The following COL4A3 variants were observed in gnomAD, a reference collection of about 807,000 sequenced individuals.
COL4A3 encodes collagen type IV alpha 3 chain.
COL4A3 carries 135 observed loss-of-function variants against 217.4 expected under a neutral mutation model. That is an observed-to-expected ratio of 0.62 (90% CI 0.54 to 0.72). COL4A3 has a LOEUF of 0.72. Among genes scored for constraint, COL4A3 ranks in the 30% least tolerant of loss-of-function variants. The pLI is 0.00. For missense variants in COL4A3, 1,868 were observed against 2,119.9 expected, an observed-to-expected ratio of 0.88 and a Z score of 2.33; for synonymous variants, 690 against 736.3, an observed-to-expected ratio of 0.94 and a Z score of 1.02.
At chr2:227,269,606 T>C (rs1417760756) in intron 23 of COL4A3, among the ~76,000 whole-genome samples, 1 of 152,180 alleles carries the variant, frequency 6.6e-6, no homozygotes, top group East Asian at 1.9e-4. Flanking sequence ...GTCTCTTCTT[T>C]CTGCATAATT....
chr2:227,244,192 A>T (rs974576873), intron 3 of COL4A3, 128 bp from the exon 4 acceptor site: 14 of 754,428 alleles, frequency 1.9e-5, no homozygotes, highest in Non-Finnish European at 3.1e-5. Context: ...ATTGAATCTT[A>T]TTAACAATGA....
intron 1 of COL4A3, among the ~76,000 whole-genome samples, chr2:227,169,038 G>T (rs373016625): frequency 1.6e-4 from 12 of 74,578 alleles, no homozygotes; most frequent in Non-Finnish European, 2.4e-4. Context: ...TATCCCTCCC[G>T]CCTCCCCCCA....
intron 1 of COL4A3, among the ~76,000 whole-genome samples, chr2:227,203,739 A>G (rs144841469): frequency 1.2e-5 from 1 of 81,934 alleles, no homozygotes; most frequent in Admixed American, 1.2e-4. Context: ...ATATATGTGT[A>G]TATATACATA....
chr2:227,191,086 A>G lies in COL4A3; in HGVS notation c.87+26273A>G, dbSNP rs532037408. Among the ~76,000 whole-genome samples, 3 of 152,290 alleles carry G rather than the reference A, an allele frequency of 2.0e-5. No homozygotes were observed. Among genetic ancestry groups the G allele is most frequent in the African/African-American group, 4.8e-5 (2 of 41,562 alleles). On this transcript the variant is annotated intron_variant, in intron 1 of 51. Coordinates refer to ENST00000396578, the MANE Select transcript of COL4A3 (RefSeq NM_000091.5). The surrounding 1 kb of genome is among the most constrained non-coding windows in gnomAD (Gnocchi z 6.8). ...TGAAATTTTATGTCTTTTTTCTCTT[A>G]AAAATAGACTACATAAATAATACGT...
intron 1 of COL4A3, among the ~76,000 whole-genome samples, chr2:227,175,467 T>C (rs540568149): frequency 6.6e-6 from 1 of 152,046 alleles, no homozygotes; most frequent in African/African-American, 2.4e-5. Context: ...CAAGACTCCA[T>C]CTCAAAAAAT....
Position 227,276,366 on chromosome 2 carries a change from G to C in COL4A3, c.1928-19G>C, listed in dbSNP as rs777677001. Reference sequence around the variant, plus strand: ...GCTTCAATATATACCCCAATCTTATGACCACAAATTTCCTTAAGGCCCTAG... The same window carrying C: ...GCTTCAATATATACCCCAATCTTATCACCACAAATTTCCTTAAGGCCCTAG... On this transcript the variant is annotated intron_variant, in intron 26 of 51. Transcript: ENST00000396578. 1.9e-6 allele frequency: 3 copies of C among 1,591,778 alleles called. No individual in the cohort carries two copies. The South Asian group carries it at 3.3e-5, about 18-fold the overall frequency.
intron 41 of COL4A3, among the ~76,000 whole-genome samples, chr2:227,296,969 A>C (rs2073054056): frequency 6.6e-6 from 1 of 152,176 alleles, no homozygotes; most frequent in Non-Finnish European, 1.5e-5. Flanking sequence ...AATTCATACA[A>C]TATTTTTCAT....
intron 1 of COL4A3, among the ~76,000 whole-genome samples, chr2:227,185,834 G>A (rs1317886998): frequency 1.3e-5 from 2 of 152,198 alleles, no homozygotes; most frequent in Non-Finnish European, 2.9e-5. Flanking sequence ...GGTGTGGCCT[G>A]GAAACCTGCA....
At chr2:227,193,080 G>C (rs1022870857) in intron 1 of COL4A3, among the ~76,000 whole-genome samples, 2 of 152,074 alleles carry the variant, frequency 1.3e-5, no homozygotes, top group Non-Finnish European at 2.9e-5. Context: ...CTAGTTTAGA[G>C]AAACTGAATA....
intron 1 of COL4A3, among the ~76,000 whole-genome samples, chr2:227,182,061 C>T (rs12470793): frequency 0.17 from 25,890 of 151,992 alleles, 2,382 homozygotes; most frequent in Admixed American, 0.25. Flanking sequence ...TAAAAAATTT[C>T]CCCCAAATAG....
In COL4A3 at chr2:227,305,077, G is replaced by C. The variant is rs777216105; in HGVS notation, c.4246G>C (p.Glu1416Gln). The stretch of plus-strand genomic sequence containing the variant: ...AAAAGGCAACAAAGGTTCTAAAGGA[G>C]AGCCAGGTAAACCCCCAGCTTGTTT... The part of the protein sequence containing the change: ...GEKGNKGSKG[E>Q]PGPAGSDGLP... The change falls in exon 47 of 52, where the codon GAG (glutamate) becomes CAG (glutamine). Residue 1416 changes from glutamate to glutamine, a missense_variant. This residue lies in a region of COL4A3 where 1,503 missense variants were observed against 1,786.1 expected (regional missense o/e 0.84). Coordinates refer to ENST00000396578, the MANE Select transcript of COL4A3 (RefSeq NM_000091.5). 11 of 1,613,440 alleles carry C rather than the reference G, an allele frequency of 6.8e-6. No homozygotes were observed. The highest frequency in any genetic ancestry group is 3.3e-5 in the Admixed American group (2 of 59,940).
intron 43 of COL4A3, among the ~76,000 whole-genome samples, chr2:227,299,459 G>A (rs931149644): frequency 1.3e-5 from 2 of 152,110 alleles, no homozygotes; most frequent in African/African-American, 4.8e-5. Context: ...AGAATGGCAT[G>A]GGGGAAACCA....
chr2:227,251,121 T>C lies in COL4A3; in HGVS notation c.547-19T>C. The stretch of plus-strand genomic sequence containing the variant: ...AGAAGTAAATTTAAACTTACTCTTA[T>C]TCTTCTCTCAATTTCAAGGGTTTGC... On this transcript the variant is annotated intron_variant, in intron 9 of 51. Coordinates refer to ENST00000396578, the MANE Select transcript of COL4A3 (RefSeq NM_000091.5). The C allele has an allele frequency of 6.3e-7, 1 of 1,591,258 alleles. No homozygotes were observed. Among genetic ancestry groups the C allele is most frequent in the Non-Finnish European group, 8.6e-7 (1 of 1,159,284 alleles).
At chr2:227,267,767 T>G (rs2070993626) in intron 23 of COL4A3, among the ~76,000 whole-genome samples, 1 of 145,190 alleles carries the variant, frequency 6.9e-6, no homozygotes, top group Admixed American at 7.2e-5. Flanking sequence ...AAAAAAATAT[T>G]AGCCACTAAG....
In COL4A3 at chr2:227,253,405, C is replaced by T. The variant is rs376709990; in HGVS notation, c.687+68C>T. 5.4e-5 allele frequency: 84 copies of T among 1,542,622 alleles called. No homozygotes were observed. Among genetic ancestry groups the T allele is most frequent in the African/African-American group, 3.7e-4 (27 of 73,530 alleles). On this transcript the variant is annotated intron_variant, in intron 12 of 51. Transcript: ENST00000396578. The surrounding 1 kb of genome is among the most constrained non-coding windows in gnomAD (Gnocchi z 4.4). Reference sequence around the variant, plus strand: ...TGTCCCAGAGCATATCAGCCTATACCGTTTACTTACGGGCCAAGCTGAAAT... The same window carrying T: ...TGTCCCAGAGCATATCAGCCTATACTGTTTACTTACGGGCCAAGCTGAAAT...
At chr2:227,168,883 CTTTTTTTT>C (rs1206194303) in intron 1 of COL4A3, among the ~76,000 whole-genome samples, 8 of 150,696 alleles carry the variant, frequency 5.3e-5, no homozygotes, top group African/African-American at 1.7e-4. Flanking sequence ...TCTTTTTTTT[CTTTTTTTT>C]ATTTTATTAT....
At chr2:227,296,766 T>G (rs1385751804) in intron 41 of COL4A3, among the ~76,000 whole-genome samples, 1 of 152,218 alleles carries the variant, frequency 6.6e-6, no homozygotes, top group Non-Finnish European at 1.5e-5. Flanking sequence ...GACATAGGGC[T>G]AGATCGTCAA....
chr2:227,216,467 C>A (rs190801785), intron 1 of COL4A3, among the ~76,000 whole-genome samples: 2 of 152,028 alleles, frequency 1.3e-5, no homozygotes, highest in African/African-American at 2.4e-5. Flanking sequence ...GTAATTCAAT[C>A]GAGCTTTAGT....
intron 33 of COL4A3, among the ~76,000 whole-genome samples, 163 bp from the exon 34 acceptor site, chr2:227,284,048 C>T (rs1420953865): frequency 6.6e-6 from 1 of 152,200 alleles, no homozygotes; most frequent in Non-Finnish European, 1.5e-5. Context: ...ACACCACTAC[C>T]CTTATGAGGC....
Sources: allele counts gnomAD v4.1 joint callset (sites outside exome capture counted in the v4.1 genomes callset), GRCh38; gene constraint gnomAD v4.1.1; regional missense constraint gnomAD v4.1.1; non-coding constraint Gnocchi (gnomAD v3.1); transcripts MANE v1.5; gene names NCBI Gene and HGNC (gene_info 2026-07-23, HGNC 2026-07-21).